ELF1: variants seen among roughly 807,000 people sequenced by gnomAD.
The protein encoded by ELF1 is E74 like ETS transcription factor 1.
A neutral mutation model predicts 59.9 loss-of-function variants in ELF1; 24 were observed. The observed-to-expected ratio is 0.40, with a 90% CI of 0.29 to 0.56. The LOEUF is 0.56. Among genes scored for constraint, ELF1 ranks in the 20% least tolerant of loss-of-function variants. The pLI is 0.44. For synonymous variants in ELF1, 248 were observed against 266.2 expected, an observed-to-expected ratio of 0.93 and a Z score of 0.67; for missense variants, 627 against 742.2, an observed-to-expected ratio of 0.84 and a Z score of 1.80.
At chr13:40,969,865 T>C (rs1487421893) in intron 2 of ELF1, among the ~76,000 whole-genome samples, 2 of 25,338 alleles carry the variant, frequency 7.9e-5, no homozygotes, top group African/African-American at 2.5e-4. Context: ...TGCCACATCA[T>C]GCTAATTTTT....
At chr13:41,032,736 G>C (rs1876215123) in intron 1 of ELF1, among the ~76,000 whole-genome samples, 1 of 151,684 alleles carries the variant, frequency 6.6e-6, no homozygotes, top group African/African-American at 2.4e-5. Flanking sequence ...TGTAGTCCCA[G>C]CTACTTAGGA....
chr13:40,951,930 C>T (rs955055593), intron 3 of ELF1, among the ~76,000 whole-genome samples: 1 of 151,476 alleles, frequency 6.6e-6, no homozygotes, highest in Non-Finnish European at 1.5e-5. Flanking sequence ...AAATAGCCAA[C>T]CAGCATTCAA....
intron 3 of ELF1, 75 bp from the exon 4 acceptor site, chr13:40,951,511 T>C: frequency 9.1e-7 from 1 of 1,094,328 alleles, no homozygotes; most frequent in Non-Finnish European, 1.4e-6. Flanking sequence ...ACCGCTTATC[T>C]CTAGAACCAG....
At chr13:41,022,018 C>T (rs572912567), upstream of ELF1, among the ~76,000 whole-genome samples, 11 of 152,314 alleles carry the variant, frequency 7.2e-5, no homozygotes, top group Non-Finnish European at 1.5e-4. Context: ...TATAAACATA[C>T]ACTTATCACA....
intron 1 of ELF1, among the ~76,000 whole-genome samples, chr13:41,024,682 T>G (rs1875823980): frequency 6.6e-6 from 1 of 152,116 alleles, no homozygotes; most frequent in Non-Finnish European, 1.5e-5. Flanking sequence ...TGGCCACCAT[T>G]GCTGTGTTTC....
intron 1 of ELF1, among the ~76,000 whole-genome samples, chr13:41,038,510 G>A (rs560836206): frequency 9.2e-5 from 14 of 151,870 alleles, no homozygotes; most frequent in African/African-American, 2.9e-4. Context: ...GCGAGACCCC[G>A]TCTCAAAGAA....
At chr13:40,998,303 A>C (rs1444307456) in intron 1 of ELF1, among the ~76,000 whole-genome samples, 1 of 152,220 alleles carries the variant, frequency 6.6e-6, no homozygotes, top group East Asian at 1.9e-4. Flanking sequence ...CCATGTTTTT[A>C]CTGCACCTTT....
rs201548892 is a variant in ELF1 at position 40,940,769 on chromosome 13, G to GT, written c.1256+151dup. 4.9e-4 allele frequency: 389 copies of GT among 790,572 alleles called. 2 individuals carry two copies. The African/African-American group carries it at 6.1e-3, about 12-fold the overall frequency. The allele number at this position is 790,572 out of a possible 1,614,324, so 49.0% of individuals were successfully genotyped here. A position where few individuals can be genotyped will look rare whatever the true frequency, so the allele number is the denominator to read the frequency against. On this transcript the variant is annotated intron_variant, in intron 8 of 8. Transcript: ENST00000239882. Reference sequence around the variant, plus strand: ...GCATAATCAGAGGACTGACATAATAGTAACTGCTCCTGAAAAATCTGGTAA... The same window carrying GT: ...GCATAATCAGAGGACTGACATAATAGTTAACTGCTCCTGAAAAATCTGGTAA...
At chr13:40,945,799 G>GTGACTAGTC (rs1870467547) in intron 5 of ELF1, among the ~76,000 whole-genome samples, 1 of 152,068 alleles carries the variant, frequency 6.6e-6, no homozygotes, top group South Asian at 2.1e-4. Flanking sequence ...TTCTTAAGCA[G>GTGACTAGTC]TGACTAGTCT....
At chr13:41,008,613 T>C (rs776583910) in intron 1 of ELF1, among the ~76,000 whole-genome samples, 17 of 152,118 alleles carry the variant, frequency 1.1e-4, no homozygotes, top group Non-Finnish European at 2.1e-4. Flanking sequence ...AAGACAGACC[T>C]ATGGATTTTA....
chr13:41,041,861 T>C (rs909227229), intron 1 of ELF1, among the ~76,000 whole-genome samples: 1 of 152,160 alleles, frequency 6.6e-6, no homozygotes, highest in African/African-American at 2.4e-5. Flanking sequence ...TATAGTAACA[T>C]ACAGACCTTC....
chr13:40,982,876 C>T lies in ELF1; in HGVS notation c.-228-594G>A, dbSNP rs1440252286. On this transcript the variant is annotated intron_variant, in intron 1 of 8. Coordinates refer to ENST00000239882, the MANE Select transcript of ELF1 (RefSeq NM_172373.4). ...AAATTACCATGCTTAAGCCTGTCTTCAGTGGCTTCTTTTTTAATGCACTGA... is the reference window on the plus strand; with the variant it reads ...AAATTACCATGCTTAAGCCTGTCTTTAGTGGCTTCTTTTTTAATGCACTGA... The T allele has an allele frequency of 2.5e-5, 25 of 985,168 alleles. 1 individual carries two copies. Among genetic ancestry groups the T allele is most frequent in the Admixed American group, 2.5e-4 (4 of 16,270 alleles). The allele number at this position is 985,168 out of a possible 1,614,324, so 61.0% of individuals were successfully genotyped here.
intron 2 of ELF1, among the ~76,000 whole-genome samples, chr13:40,981,183 C>G (rs1298075265): frequency 6.6e-6 from 1 of 152,090 alleles, no homozygotes; most frequent in Non-Finnish European, 1.5e-5. Context: ...TAGGTTGGTT[C>G]TCAAAATATT....
chr13:41,041,272 A>C (rs985642878), intron 1 of ELF1, among the ~76,000 whole-genome samples: 6 of 151,960 alleles, frequency 3.9e-5, no homozygotes, highest in African/African-American at 1.4e-4. Flanking sequence ...AAAAAAAAAA[A>C]AAAAAAACCT....
At chr13:40,978,293 G>A (rs1204540732) in intron 2 of ELF1, among the ~76,000 whole-genome samples, 5 of 151,830 alleles carry the variant, frequency 3.3e-5, no homozygotes, top group East Asian at 1.9e-4. Context: ...CAGAAGAATT[G>A]CTTGAACCTG....
chr13:40,965,290 C>T lies in ELF1; in HGVS notation c.73-6274G>A, dbSNP rs554669469. Among the ~76,000 whole-genome samples, 5 of 152,198 alleles carry T rather than the reference C, an allele frequency of 3.3e-5. No individual in the cohort carries two copies. The South Asian group carries it at 1.0e-3, about 32-fold the overall frequency. ...CAGATATTCATAAAATAGCCACACT[C>T]CTAATAGTAAGCAATAAGATGTTAC... On this transcript the variant is annotated intron_variant, in intron 2 of 8. Transcript: ENST00000239882.
At chr13:41,050,735 G>A (rs1877053754) in intron 1 of ELF1, among the ~76,000 whole-genome samples, 1 of 151,994 alleles carries the variant, frequency 6.6e-6, no homozygotes, top group Non-Finnish European at 1.5e-5. Context: ...ATTTTTAGTA[G>A]AGACAGGATT....
intron 2 of ELF1, among the ~76,000 whole-genome samples, chr13:40,972,253 G>GC (rs1872589603): frequency 6.6e-6 from 1 of 152,164 alleles, no homozygotes; most frequent in Admixed American, 6.5e-5. Flanking sequence ...CATACTACCT[G>GC]CTCATAGGTA....
At chr13:40,948,407 C>T (rs892656474) in intron 5 of ELF1, among the ~76,000 whole-genome samples, 1 of 152,218 alleles carries the variant, frequency 6.6e-6, no homozygotes, top group Non-Finnish European at 1.5e-5. Context: ...CCCCATCTTG[C>T]GTAGCCCAAG....
Sources: allele counts gnomAD v4.1 joint callset (sites outside exome capture counted in the v4.1 genomes callset), GRCh38; gene constraint gnomAD v4.1.1; transcripts MANE v1.5; gene names NCBI Gene and HGNC (gene_info 2026-07-23, HGNC 2026-07-21).